The following KLHL1 variants were observed in gnomAD, a reference collection of about 807,000 sequenced individuals.
The protein encoded by KLHL1 is kelch like family member 1.
In KLHL1, 47 loss-of-function variants were observed where a neutral mutation model predicts 77.7. The ratio of observed to expected loss-of-function variants is 0.60; its 90% CI spans 0.48 to 0.77. KLHL1 has a LOEUF of 0.77. Ranked by LOEUF, KLHL1 falls within the 30% of genes least tolerant of loss-of-function variation. KLHL1 has a pLI of 0.00. For synonymous variants in KLHL1, 360 were observed against 325.2 expected, an observed-to-expected ratio of 1.11 and a Z score of -1.15; for missense variants, 925 against 910.8, an observed-to-expected ratio of 1.02 and a Z score of -0.20.
chr13:69,797,820 C>A (rs1464124187), intron 6 of KLHL1, among the ~76,000 whole-genome samples: 1 of 139,142 alleles, frequency 7.2e-6, no homozygotes, highest in African/African-American at 2.7e-5. Context: ...CAGAGCGAGA[C>A]TCCATCTAAA....
chr13:70,087,553 A>G (rs558342702), intron 1 of KLHL1, among the ~76,000 whole-genome samples: 1 of 152,142 alleles, frequency 6.6e-6, no homozygotes, highest in South Asian at 2.1e-4. Context: ...TAAAAAAAAA[A>G]AAAAAGAAAC....
chr13:70,033,304 T>C (rs2137368817), intron 1 of KLHL1, among the ~76,000 whole-genome samples: 1 of 152,222 alleles, frequency 6.6e-6, no homozygotes, highest in East Asian at 1.9e-4. Flanking sequence ...TTTTGTTTTG[T>C]TTTGAGACAG....
chr13:69,784,072 TC>T, intron 7 of KLHL1, among the ~76,000 whole-genome samples: 1 of 152,202 alleles, frequency 6.6e-6, no homozygotes, highest in South Asian at 2.1e-4. Context: ...GAATTTCATA[TC>T]CAGCCAAACT....
At chr13:69,943,598 G>C (rs888217273) in intron 3 of KLHL1, among the ~76,000 whole-genome samples, 1 of 152,020 alleles carries the variant, frequency 6.6e-6, no homozygotes, top group Non-Finnish European at 1.5e-5. Context: ...TGAGCAAAAA[G>C]TATTCTATAG....
At chr13:69,961,877 A>G (rs1884075945) in intron 2 of KLHL1, among the ~76,000 whole-genome samples, 1 of 152,002 alleles carries the variant, frequency 6.6e-6, no homozygotes, top group Non-Finnish European at 1.5e-5. Flanking sequence ...TAAATTAGAA[A>G]TATGTCTTTA....
At chr13:70,075,476 A>G (rs575127270) in intron 1 of KLHL1, among the ~76,000 whole-genome samples, 6 of 149,104 alleles carry the variant, frequency 4.0e-5, no homozygotes, top group Non-Finnish European at 8.9e-5. Context: ...TTATTTGCTC[A>G]AAAACAACTG....
At chr13:69,771,102 AC>A (rs1375209354) in intron 7 of KLHL1, among the ~76,000 whole-genome samples, 1 of 152,048 alleles carries the variant, frequency 6.6e-6, no homozygotes, top group African/African-American at 2.4e-5. Context: ...GGCTTTACCA[AC>A]CTTTTCTTCT....
intron 8 of KLHL1, among the ~76,000 whole-genome samples, chr13:69,725,981 C>T (rs369848337): frequency 1.4e-4 from 22 of 152,208 alleles, no homozygotes; most frequent in African/African-American, 5.1e-4. Context: ...TCTCAGTCAG[C>T]TGAGGTTGTG....
At chr13:69,988,994 C>T (rs1470461470) in intron 1 of KLHL1, among the ~76,000 whole-genome samples, 3 of 151,892 alleles carry the variant, frequency 2.0e-5, no homozygotes, top group African/African-American at 4.8e-5. Context: ...TTTGCTTTTG[C>T]TGAATTTGCT....
chr13:70,072,684 AG>A (rs1887163531), intron 1 of KLHL1, among the ~76,000 whole-genome samples: 1 of 152,128 alleles, frequency 6.6e-6, no homozygotes, highest in Non-Finnish European at 1.5e-5. Flanking sequence ...AACAAACTGA[AG>A]AAAAAAAAAG....
chr13:70,108,016 C>G lies in KLHL1; in HGVS notation c.-317G>C. 1 of 439,370 alleles carries G rather than the reference C, an allele frequency of 2.3e-6. No individual in the cohort carries two copies. 27.2% of individuals were successfully genotyped at this position (439,370 alleles called of 1,614,324 possible). A position where few individuals can be genotyped will look rare whatever the true frequency, so the allele number is the denominator to read the frequency against. ...CCCGCGCGAGAGCCCCGTGTTATGG[C>G]GAGGTGGGACAACCCTTAGGCTGGA... On this transcript the variant is annotated 5_prime_UTR_variant, in exon 1 of 11. Transcript: ENST00000377844.
chr13:70,032,861 G>C (rs1345982948), intron 1 of KLHL1, among the ~76,000 whole-genome samples: 1 of 152,100 alleles, frequency 6.6e-6, no homozygotes, highest in South Asian at 2.1e-4. Flanking sequence ...TGTGGTTGGT[G>C]CAAACGTAAT....
At chr13:70,090,690 G>A (rs2137441566) in intron 1 of KLHL1, among the ~76,000 whole-genome samples, 1 of 152,100 alleles carries the variant, frequency 6.6e-6, no homozygotes. Flanking sequence ...AGTCAGAACT[G>A]CACCATGGAT....
At chr13:70,003,846 G>A (rs946605622) in intron 1 of KLHL1, among the ~76,000 whole-genome samples, 2 of 151,666 alleles carry the variant, frequency 1.3e-5, no homozygotes, top group Admixed American at 6.6e-5. Flanking sequence ...GATATATTAC[G>A]AGACTATTGC....
intron 7 of KLHL1, among the ~76,000 whole-genome samples, chr13:69,745,805 C>A (rs1366147713): frequency 6.6e-6 from 1 of 151,582 alleles, no homozygotes; most frequent in African/African-American, 2.4e-5. Flanking sequence ...AATTAATATC[C>A]TTTTGGTATT....
At chr13:70,098,225 A>G (rs972000129) in intron 1 of KLHL1, among the ~76,000 whole-genome samples, 1 of 149,730 alleles carries the variant, frequency 6.7e-6, no homozygotes, top group African/African-American at 2.4e-5. Context: ...CAGGTGAGGT[A>G]AGTAAGGCTG....
At position 69,890,646 on chromosome 13, in the gene KLHL1, G is replaced by A. The variant is rs534087129; in HGVS notation, c.1015-8151C>T. Among the ~76,000 whole-genome samples the A allele has an allele frequency of 6.1e-3, 895 of 146,662 alleles. 8 individuals carry two copies. The highest frequency in any genetic ancestry group is 0.02 in the African/African-American group (817 of 40,300). On this transcript the variant is annotated intron_variant, in intron 4 of 10. Transcript: ENST00000377844. ...TAATATTTTTCTTCCACACACACAC[G>A]CACACACACACACACACACAGATAT... is the stretch of plus-strand genomic sequence containing the variant.
At chr13:69,907,497 A>G (rs1000581040) in intron 4 of KLHL1, among the ~76,000 whole-genome samples, 1 of 151,942 alleles carries the variant, frequency 6.6e-6, no homozygotes, top group African/African-American at 2.4e-5. Flanking sequence ...TTTATATGTA[A>G]ATTTAGATTA....
chr13:69,800,843 A>C (rs73504081), intron 6 of KLHL1, among the ~76,000 whole-genome samples: 1 of 152,164 alleles, frequency 6.6e-6, no homozygotes, highest in African/African-American at 2.4e-5. Flanking sequence ...AGAAAAACCA[A>C]TATTTATCAT....
Sources: allele counts gnomAD v4.1 joint callset (sites outside exome capture counted in the v4.1 genomes callset), GRCh38; gene constraint gnomAD v4.1.1; transcripts MANE v1.5; gene names NCBI Gene and HGNC (gene_info 2026-07-23, HGNC 2026-07-21).